ACSM3: variants seen among roughly 807,000 people sequenced by gnomAD.
The protein encoded by ACSM3 is acyl-CoA synthetase medium chain family member 3.
ACSM3 carries 61 observed loss-of-function variants against 74.1 expected under a neutral mutation model. That is an observed-to-expected ratio of 0.82 (90% CI 0.67 to 1.02). The LOEUF is 1.02. Ranked by LOEUF, ACSM3 falls within the 50% of genes least tolerant of loss-of-function variation. The probability of loss-of-function intolerance (pLI) is 0.00; values close to 1 mark genes in which losing one functional copy is unlikely to be tolerated. For synonymous variants in ACSM3, 213 were observed against 241.5 expected (o/e 0.88, Z 1.09); for missense variants, 660 against 697.0 (o/e 0.95, Z 0.60).
intron 3 of ACSM3, among the ~76,000 whole-genome samples, chr16:20,756,319 T>G (rs967934784): frequency 1.7e-4 from 26 of 152,128 alleles, no homozygotes; most frequent in Non-Finnish European, 2.9e-4. Flanking sequence ...TTTTAATGAT[T>G]GCCATTCTAA....
chr16:20,679,600 C>A (rs1466287611), intron 1 of ACSM3: 2 of 152,134 alleles, frequency 1.3e-5, no homozygotes, highest in African/African-American at 4.8e-5. Context: ...AATGTTGTTA[C>A]CATTTCTGCC....
chr16:20,781,097 T>C lies in ACSM3; in HGVS notation c.906T>C (p.His302=). The C allele has an allele frequency of 6.2e-7, 1 of 1,614,020 alleles. No homozygotes were observed. The highest frequency in any genetic ancestry group is 8.5e-7 in the Non-Finnish European group (1 of 1,179,986). ...AGGGAGCATGTGTATTCACACACCATTTACCCCGTTTTGAGCCGACTTCTA... is the reference window on the plus strand; with the variant it reads ...AGGGAGCATGTGTATTCACACACCACTTACCCCGTTTTGAGCCGACTTCTA... ...WIQGACVFTH[H]LPRFEPTSIL... is the part of the protein sequence containing the mutation. Residue 302 remains histidine (H), a synonymous_variant, in exon 6 of 14, where the codon CAT becomes CAC. Transcript: ENST00000289416.
chr16:20,778,013 G>A (rs2074541), intron 4 of ACSM3, among the ~76,000 whole-genome samples: 20,206 of 152,138 alleles, frequency 0.13, 1,396 homozygotes, highest in East Asian at 0.21. Context: ...TAATTGGATG[G>A]GGTTGTCCCT....
intron 9 of ACSM3, among the ~76,000 whole-genome samples, chr16:20,789,091 A>C (rs565725793): frequency 8.0e-4 from 122 of 152,372 alleles, no homozygotes; most frequent in Non-Finnish European, 1.4e-3. Context: ...CATTTAGAGC[A>C]AAATCTGATG....
chr16:20,796,481 C>A lies in ACSM3; in HGVS notation c.1666C>A (p.Pro556Thr), dbSNP rs1008422711. The A allele has an allele frequency of 1.2e-6, 2 of 1,612,252 alleles. No individual in the cohort carries two copies. The highest frequency in any genetic ancestry group is 2.7e-5 in the African/African-American group (2 of 74,730). The change falls in exon 13 of 14, where the codon CCC becomes ACC. Residue 556 changes from proline (P) to threonine (T), a missense_variant. Physicochemically the swap from Pro to Thr is conservative, Grantham distance 38. Transcript: ENST00000289416. ...VKKTTAPYKY[P>T]RKVEFIQELP... ...AAAAACTACAGCACCTTACAAATAT[C>A]CCAGAAAGGTAGGCATCCTAATTAT...
chr16:20,689,008 A>G (rs1309416138), intron 1 of ACSM3, among the ~76,000 whole-genome samples: 1 of 148,614 alleles, frequency 6.7e-6, no homozygotes, highest in Non-Finnish European at 1.5e-5. Context: ...TTATATATTA[A>G]TATATGTTAA....
At chr16:20,721,812 G>C (rs10852246) in intron 1 of ACSM3, 1 of 152,054 alleles carries the variant, frequency 6.6e-6, no homozygotes. Context: ...CAGCTGTATC[G>C]TCAGCTGATT....
intron 1 of ACSM3, among the ~76,000 whole-genome samples, chr16:20,724,219 G>A (rs1390839751): frequency 6.6e-6 from 1 of 152,112 alleles, no homozygotes; most frequent in East Asian, 1.9e-4. Context: ...TGCAAGGCTG[G>A]TTCAACATAC....
chr16:20,695,930 T>C (rs1221399924), intron 1 of ACSM3, among the ~76,000 whole-genome samples: 1 of 152,238 alleles, frequency 6.6e-6, no homozygotes, highest in Non-Finnish European at 1.5e-5. Context: ...TGTAGTCATG[T>C]GCCACAATAT....
At chr16:20,792,170 G>C (rs1419870394) in intron 11 of ACSM3, 41 bp downstream of exon 11, 1 of 1,613,980 alleles carries the variant, frequency 6.2e-7, no homozygotes, top group African/African-American at 1.3e-5. Flanking sequence ...TGTGTTAACT[G>C]ATCATCAGTG....
intron 1 of ACSM3, chr16:20,741,478 C>CCGGGGGGGGGGGGGGGGGG: frequency 7.5e-7 from 1 of 1,336,934 alleles, no homozygotes; most frequent in Non-Finnish European, 9.7e-7. Context: ...GGCCTGGCAG[C>CCGGGGGGGGGGGGGGGGGG]CGGCCCGCCC....
chr16:20,795,550 G>A (rs936960521), intron 12 of ACSM3, among the ~76,000 whole-genome samples: 2 of 152,198 alleles, frequency 1.3e-5, no homozygotes, highest in Non-Finnish European at 2.9e-5. Context: ...CTGGACAAAC[G>A]AATCCTTGAA....
At position 20,712,158 on chromosome 16, in the gene ACSM3, C is replaced by T. The variant is rs2079745995; in HGVS notation, c.-190+37336C>T. 2.0e-5 allele frequency among the ~76,000 whole-genome samples: 3 copies of T among 152,096 alleles called. No individual in the cohort carries two copies. In the South Asian group the frequency reaches 6.2e-4, roughly 32 times the overall value. On this transcript the variant is annotated intron_variant, in intron 1 of 3. Transcript: ENST00000561584. Reference sequence around the variant, plus strand: ...ACAGGCATGAGCCACCACACCTGGCCCTGTTTTTGTAAATAAAGTTTTACT... The same window carrying T: ...ACAGGCATGAGCCACCACACCTGGCTCTGTTTTTGTAAATAAAGTTTTACT...
Position 20,775,916 on chromosome 16 carries a change from A to G in ACSM3, c.297A>G (p.Glu99=). 1 of 1,614,138 alleles carries G rather than the reference A, an allele frequency of 6.2e-7. No individual in the cohort carries two copies. The highest frequency in any genetic ancestry group is 8.5e-7 in the Non-Finnish European group (1 of 1,180,016). Residue 99 remains glutamate, a synonymous_variant, in exon 3 of 14, where the codon GAA becomes GAG. Coordinates refer to ENST00000289416, the MANE Select transcript of ACSM3 (RefSeq NM_005622.4). ...NGEEMRWSFE[E]LGSLSRKFAN... ...AAGAGATGCGATGGAGTTTTGAGGAACTGGGATCTCTGTCCAGAAAATTTG... is the reference window on the plus strand; with the variant it reads ...AAGAGATGCGATGGAGTTTTGAGGAGCTGGGATCTCTGTCCAGAAAATTTG...
intron 1 of ACSM3, chr16:20,722,171 T>A (rs2079788118): frequency 6.6e-6 from 1 of 152,344 alleles, no homozygotes; most frequent in East Asian, 1.9e-4. Flanking sequence ...ATGTGAGAGA[T>A]GATTTTACAT....
chr16:20,677,291 C>T (rs940632444), intron 1 of ACSM3, among the ~76,000 whole-genome samples: 3 of 151,440 alleles, frequency 2.0e-5, no homozygotes, highest in African/African-American at 7.3e-5. Flanking sequence ...ACTAACTAAG[C>T]TTATCTTCTT....
chr16:20,697,103 G>T (rs1278276736), intron 1 of ACSM3, among the ~76,000 whole-genome samples: 2 of 151,796 alleles, frequency 1.3e-5, no homozygotes, highest in Non-Finnish European at 2.9e-5. Flanking sequence ...CATTTTTTTT[G>T]AAACTGTCAC....
At chr16:20,691,094 A>G (rs1186295814) in intron 1 of ACSM3, 1 of 1,613,708 alleles carries the variant, frequency 6.2e-7, no homozygotes, top group South Asian at 1.1e-5. Flanking sequence ...AAATTCTGAT[A>G]AAGACCGGCA....
intron 2 of ACSM3, among the ~76,000 whole-genome samples, chr16:20,751,455 C>T (rs2079988558): frequency 6.6e-6 from 1 of 152,128 alleles, no homozygotes; most frequent in African/African-American, 2.4e-5. Context: ...AGCTATTTTA[C>T]ATTTAAGAAA....
Sources: gnomAD v4.1 joint callset for allele counts (sites outside exome capture counted in the v4.1 genomes callset) on GRCh38, gnomAD v4.1.1 for gene constraint, MANE v1.5 for transcripts, NCBI Gene and HGNC (gene_info 2026-07-23, HGNC 2026-07-21) for gene names.